The following NSD2 variants were observed in gnomAD, a reference collection of about 807,000 sequenced individuals.
NSD2 encodes the protein nuclear receptor binding SET domain protein 2.
In NSD2, 12 loss-of-function variants were observed where a neutral mutation model predicts 139.0. That is an observed-to-expected ratio of 0.09 (90% CI 0.06 to 0.14). The LOEUF is 0.14. Ranked by LOEUF, NSD2 falls within the 10% of genes least tolerant of loss-of-function variation. The probability of loss-of-function intolerance (pLI) is 1.00; values close to 1 mark genes in which losing one functional copy is unlikely to be tolerated. For synonymous variants in NSD2, 669 were observed against 648.7 expected (o/e 1.03, Z -0.48); for missense variants, 1,155 against 1,745.0 (o/e 0.66, Z 6.02).
intron 7 of NSD2, among the ~76,000 whole-genome samples, chr4:1,935,860 C>CAA (rs201785293): frequency 1.3e-5 from 2 of 148,488 alleles, no homozygotes; most frequent in African/African-American, 5.0e-5. Flanking sequence ...GATTCTGTCT[C>CAA]AAAAAAAAAC....
At chr4:1,930,821 G>A (rs751804575) in intron 6 of NSD2, 51 bp downstream of exon 6, 3 of 1,554,816 alleles carry the variant, frequency 1.9e-6, no homozygotes, top group South Asian at 1.2e-5. Context: ...TGTGTGTAGT[G>A]TAGCAAGCTG....
chr4:1,971,073 G>C (rs73202835), intron 18 of NSD2, among the ~76,000 whole-genome samples: 9,372 of 152,290 alleles, frequency 0.062, 442 homozygotes, highest in Middle Eastern at 0.24. Flanking sequence ...TAAAATTGTG[G>C]GCAGGCCGGG....
chr4:1,953,536 C>T lies in NSD2; in HGVS notation c.2338+12C>T. On this transcript the variant is annotated intron_variant, in intron 12 of 21. Transcript: ENST00000508803. ...AAGGCCGTCAAAAGGTACAGGTGCA[C>T]CTGCGCAGCCTTGCTGTGGGTTCAG... 1 of 1,592,296 alleles carries T rather than the reference C, an allele frequency of 6.3e-7. No homozygotes were observed. Among genetic ancestry groups the T allele is most frequent in the Non-Finnish European group, 8.5e-7 (1 of 1,170,432 alleles).
At chr4:1,949,786 A>G (rs1261475110) in intron 9 of NSD2, among the ~76,000 whole-genome samples, 1 of 150,032 alleles carries the variant, frequency 6.7e-6, no homozygotes, top group Non-Finnish European at 1.5e-5. Context: ...AAAAAAGCCC[A>G]CTCTAACACT....
At chr4:1,917,064 T>A (rs1260068050) in intron 4 of NSD2, 27 bp downstream of exon 4, 1 of 1,541,008 alleles carries the variant, frequency 6.5e-7, no homozygotes, top group East Asian at 2.3e-5. Context: ...CAGTCTACTT[T>A]TAGACCAGAA....
At chr4:1,910,575 C>T (rs1577414152) in intron 3 of NSD2, among the ~76,000 whole-genome samples, 1 of 152,154 alleles carries the variant, frequency 6.6e-6, no homozygotes, top group South Asian at 2.1e-4. Context: ...GTCACCTTTT[C>T]TGTGTTATGG....
chr4:1,908,090 C>T (rs541369897), intron 3 of NSD2, among the ~76,000 whole-genome samples: 177 of 152,220 alleles, frequency 1.2e-3, no homozygotes, highest in African/African-American at 3.5e-3. Flanking sequence ...AGGCCCCTAC[C>T]TGTCTTTTTC....
rs759107677 is a variant in NSD2 at position 1,959,614 on chromosome 4, G to A, written c.3129G>A (p.Pro1043=). The A allele has an allele frequency of 2.0e-5, 32 of 1,614,138 alleles. No individual in the cohort carries two copies. Among genetic ancestry groups the A allele is most frequent in the Non-Finnish European group, 2.7e-5 (32 of 1,180,040 alleles). Residue 1043 remains proline, a synonymous_variant, in exon 17 of 22, where the codon CCG becomes CCA. Coordinates refer to ENST00000508803, the MANE Select transcript of NSD2 (RefSeq NM_001042424.3). Reference sequence around the variant, plus strand: ...GGATGCTGATGTTTGAGTGCCACCCGCAGGTGTGTCCCGCGGGCGAGTTCT... The same window carrying A: ...GGATGCTGATGTTTGAGTGCCACCCACAGGTGTGTCCCGCGGGCGAGTTCT... ...LNRMLMFECH[P]QVCPAGEFCQ... is the part of the protein sequence containing the mutation.
In NSD2 at chr4:1,930,743, G is replaced by A. The variant is rs1256922030; in HGVS notation, c.1528G>A (p.Ala510Thr). ...CTACAACACCAAGTTTGCCCTGGTG[G>A]CCCCTGTCCAGGCTGAAGAAGACTC... ...ARYNTKFALV[A>T]PVQAEEDSGN... is the part of the protein sequence containing the mutation. Residue 510 changes from alanine to threonine, a missense_variant, in exon 6 of 22, where the codon GCC (alanine) becomes ACC (threonine). This residue lies in a region of NSD2 where 420 missense variants were observed against 469.0 expected (regional missense o/e 0.90). Transcript: ENST00000508803. 6.2e-7 allele frequency: 1 copy of A among 1,613,648 alleles called. No homozygotes were observed. Among genetic ancestry groups the A allele is most frequent in the Non-Finnish European group, 8.5e-7 (1 of 1,179,854 alleles).
Position 1,959,629 on chromosome 4 carries a change from G to C in NSD2, c.3144G>C (p.Ala1048=), listed in dbSNP as rs200512366. Residue 1048 remains alanine, a synonymous_variant, in exon 17 of 22, where the codon GCG becomes GCC. Coordinates refer to ENST00000508803, the MANE Select transcript of NSD2 (RefSeq NM_001042424.3). ...AGTGCCACCCGCAGGTGTGTCCCGC[G>C]GGCGAGTTCTGCCAGAACCAGTGCT... ...MFECHPQVCP[A]GEFCQNQCFT... 19 of 1,614,002 alleles carry C rather than the reference G, an allele frequency of 1.2e-5. No homozygotes were observed. Among genetic ancestry groups the C allele is most frequent in the Non-Finnish European group, 1.6e-5 (19 of 1,180,028 alleles).
chr4:1,906,624 A>C (rs923525295), intron 3 of NSD2, among the ~76,000 whole-genome samples: 1 of 144,056 alleles, frequency 6.9e-6, no homozygotes, highest in Non-Finnish European at 1.5e-5. Flanking sequence ...ACATTCAGAT[A>C]TACTGCCATT....
Position 1,976,756 on chromosome 4 carries a change from C to T in NSD2, c.3826+77C>T. On this transcript the variant is annotated intron_variant, in intron 21 of 21. Coordinates refer to ENST00000508803, the MANE Select transcript of NSD2 (RefSeq NM_001042424.3). The surrounding 1 kb of genome is among the most constrained non-coding windows in gnomAD (Gnocchi z 5.3). ...CTGATGGCGGCTGCTGCCGCTCTTC[C>T]TGCTGACCGGGCCTCATCTGGGTGC... is the stretch of plus-strand genomic sequence containing the variant. The T allele has an allele frequency of 6.8e-7, 1 of 1,461,680 alleles. No individual in the cohort carries two copies. Among genetic ancestry groups the T allele is most frequent in the Non-Finnish European group, 9.2e-7 (1 of 1,090,294 alleles). The allele number at this position is 1,461,680 out of a possible 1,614,324, so 90.5% of individuals were successfully genotyped here.
chr4:1,978,022 A>G lies in NSD2; in HGVS notation c.3827-616A>G, dbSNP rs551697700. Among the ~76,000 whole-genome samples, 3 of 151,330 alleles carry G rather than the reference A, an allele frequency of 2.0e-5. No individual in the cohort carries two copies. In the South Asian group the frequency reaches 6.3e-4, roughly 32 times the overall value. ...GGCGCCTGTAATCCTGGCTACTCGGAAGGGTGAGGCAGCAGAATCACTTGA... is the reference window on the plus strand; with the variant it reads ...GGCGCCTGTAATCCTGGCTACTCGGGAGGGTGAGGCAGCAGAATCACTTGA... On this transcript the variant is annotated intron_variant, in intron 21 of 21. Transcript: ENST00000508803.
At position 1,955,577 on chromosome 4, in the gene NSD2, T is replaced by C. The variant is rs1429160179; in HGVS notation, c.2519-116T>C. 8.9e-6 allele frequency: 12 copies of C among 1,350,210 alleles called. No homozygotes were observed. The highest frequency in any genetic ancestry group is 2.8e-5 in the Admixed American group (1 of 35,720). 83.6% of individuals were successfully genotyped at this position (1,350,210 alleles called of 1,614,324 possible). On this transcript the variant is annotated intron_variant, in intron 13 of 21. Coordinates refer to ENST00000508803, the MANE Select transcript of NSD2 (RefSeq NM_001042424.3). The surrounding 1 kb of genome is among the most constrained non-coding windows in gnomAD (Gnocchi z 4.7). ...TCTCGTGCTGATGTACAGATCGCTG[T>C]TTTAAAACTGATGTTTATAAGTTAA...
At position 1,980,563 on chromosome 4, in the gene NSD2, A is replaced by T. The variant is rs1454983312; in HGVS notation, c.*1654A>T. 1 of 233,070 alleles carries T rather than the reference A, an allele frequency of 4.3e-6. No individual in the cohort carries two copies. The highest frequency in any genetic ancestry group is 8.5e-6 in the Non-Finnish European group (1 of 118,018). The allele number at this position is 233,070 out of a possible 1,614,324, so 14.4% of individuals were successfully genotyped here. On this transcript the variant is annotated 3_prime_UTR_variant, in exon 22 of 22. Coordinates refer to ENST00000508803, the MANE Select transcript of NSD2 (RefSeq NM_001042424.3). ...AAACTGCAGTGTCTTTGGACCTGAG[A>T]GTGGCTACTCCGTGGTTTTGTGACC...
At chr4:1,905,154 T>C (rs1288295249) in intron 3 of NSD2, among the ~76,000 whole-genome samples, 1 of 152,262 alleles carries the variant, frequency 6.6e-6, no homozygotes, top group East Asian at 1.9e-4. Flanking sequence ...GAATGTTATA[T>C]GTCCCTGATA....
At position 1,942,321 on chromosome 4, in the gene NSD2, C is replaced by A. The variant is rs771012684; in HGVS notation, c.1881+2543C>A. ...TAGTAGAGCAAATTCTTATTTTTTT[C>A]GCCTTCACTGGTAACAGCTTTTGTG... On this transcript the variant is annotated intron_variant, in intron 9 of 21. Coordinates refer to ENST00000508803, the MANE Select transcript of NSD2 (RefSeq NM_001042424.3). This position sits in a 1 kb window ranked among gnomAD's most constrained non-coding sequence, Gnocchi z 4.0. 6.2e-7 allele frequency: 1 copy of A among 1,608,664 alleles called. No individual in the cohort carries two copies. The highest frequency in any genetic ancestry group is 1.3e-5 in the African/African-American group (1 of 74,520).
intron 9 of NSD2, chr4:1,941,775 A>G: frequency 2.9e-6 from 3 of 1,049,486 alleles, no homozygotes; most frequent in Non-Finnish European, 3.5e-6. Flanking sequence ...TCATTTTTAT[A>G]GAATTATGCT....
chr4:1,942,482 A>T lies in NSD2; in HGVS notation c.1881+2704A>T. 1.3e-6 allele frequency: 2 copies of T among 1,539,666 alleles called. No individual in the cohort carries two copies. The highest frequency in any genetic ancestry group is 1.8e-6 in the Non-Finnish European group (2 of 1,142,080). On this transcript the variant is annotated intron_variant, in intron 9 of 21. Coordinates refer to ENST00000508803, the MANE Select transcript of NSD2 (RefSeq NM_001042424.3). The surrounding 1 kb of genome is among the most constrained non-coding windows in gnomAD (Gnocchi z 4.0). ...GTGACATTTCTATCACAATCATTTT[A>T]TGGAAGATGTGTGATAATCTGTTTT...
Sources: allele counts gnomAD v4.1 joint callset (sites outside exome capture counted in the v4.1 genomes callset), GRCh38; gene constraint gnomAD v4.1.1; regional missense constraint gnomAD v4.1.1; non-coding constraint Gnocchi (gnomAD v3.1); transcripts MANE v1.5; gene names NCBI Gene and HGNC (gene_info 2026-07-23, HGNC 2026-07-21).